PCDHGB5: variants seen among roughly 807,000 people sequenced by gnomAD.
PCDHGB5 encodes the protein protocadherin gamma-B5.
In PCDHGB5, 48 loss-of-function variants were observed where a neutral mutation model predicts 62.9. The observed-to-expected ratio is 0.76, with a 90% CI of 0.61 to 0.97. The LOEUF is 0.97. Among genes scored for constraint, PCDHGB5 ranks in the 50% least tolerant of loss-of-function variants. The pLI, the probability that PCDHGB5 is intolerant of heterozygous loss-of-function variation, is 0.00. For missense variants in PCDHGB5, 1,118 were observed against 1,198.6 expected (o/e 0.93, Z 0.99); for synonymous variants, 474 against 511.2 (o/e 0.93, Z 0.98).
At chr5:141,421,417 G>A (rs1188564125) in intron 1 of PCDHGB5, 2 of 1,613,950 alleles carry the variant, frequency 1.2e-6, no homozygotes, top group Non-Finnish European at 1.7e-6. Context: ...GGCGAAGCGC[G>A]GAGTCCGCAT....
intron 2 of PCDHGB5, among the ~76,000 whole-genome samples, chr5:141,496,639 C>A (rs752903356): frequency 6.6e-6 from 1 of 152,222 alleles, no homozygotes; most frequent in Non-Finnish European, 1.5e-5. Flanking sequence ...TTGGGCTGCC[C>A]TTGCCCTTCC....
intron 1 of PCDHGB5, among the ~76,000 whole-genome samples, chr5:141,470,729 G>T (rs1253040487): frequency 6.6e-6 from 1 of 152,102 alleles, no homozygotes; most frequent in Non-Finnish European, 1.5e-5. Context: ...TCAGGGTCTT[G>T]CTCTGTCGCC....
chr5:141,489,804 G>A lies in PCDHGB5; in HGVS notation c.2398-5003G>A, dbSNP rs2099692572. 1 of 1,614,056 alleles carries A rather than the reference G, an allele frequency of 6.2e-7. No homozygotes were observed. The highest frequency in any genetic ancestry group is 1.3e-5 in the African/African-American group (1 of 74,932). ...TGAATGTGAAGACCCTAAAAGATGG[G>A]AAGCCATTCCCAGAGCTGGTGCTAG... On this transcript the variant is annotated intron_variant, in intron 1 of 3. Transcript: ENST00000617380. The surrounding 1 kb of genome is among the most constrained non-coding windows in gnomAD (Gnocchi z 4.5).
chr5:141,430,910 G>C, intron 1 of PCDHGB5: 2 of 1,608,040 alleles, frequency 1.2e-6, no homozygotes, highest in South Asian at 1.1e-5. Context: ...CATCTCCAGG[G>C]ACCTGGGGCT....
chr5:141,496,511 C>T (rs1161285563), intron 2 of PCDHGB5, among the ~76,000 whole-genome samples: 1 of 152,182 alleles, frequency 6.6e-6, no homozygotes, highest in Non-Finnish European at 1.5e-5. Flanking sequence ...CACAAGGACC[C>T]AGGAGCCCTT....
At position 141,490,776 on chromosome 5, in the gene PCDHGB5, G is replaced by A. The variant is rs1234115299; in HGVS notation, c.2398-4031G>A. 4.3e-6 allele frequency: 7 copies of A among 1,614,162 alleles called. No individual in the cohort carries two copies. Among genetic ancestry groups the A allele is most frequent in the African/African-American group, 1.3e-5 (1 of 75,066 alleles). On this transcript the variant is annotated intron_variant, in intron 1 of 3. Transcript: ENST00000617380. This position sits in a 1 kb window ranked among gnomAD's most constrained non-coding sequence, Gnocchi z 5.4. ...CCTCCTTTGTGTATGTCAACCCAGA[G>A]GATGGACGGATCTTTGCCCAGCGTA...
In PCDHGB5 at chr5:141,427,541, C is replaced by G. The variant is rs541988301; in HGVS notation, c.2397+27017C>G. ...AGCGGATCCCGGAGTACAACGTCACCATCACTGCCACTGACAAGGGCAAGC... is the reference window on the plus strand; with the variant it reads ...AGCGGATCCCGGAGTACAACGTCACGATCACTGCCACTGACAAGGGCAAGC... On this transcript the variant is annotated intron_variant, in intron 1 of 3. Coordinates refer to ENST00000617380, the MANE Select transcript of PCDHGB5 (RefSeq NM_018925.3). 3.1e-5 allele frequency: 20 copies of G among 635,320 alleles called. No individual in the cohort carries two copies. The African/African-American group carries it at 3.6e-4, about 11-fold the overall frequency. The allele number at this position is 635,320 out of a possible 1,614,324, so 39.4% of individuals were successfully genotyped here.
chr5:141,509,839 T>C (rs1277859334), intron 3 of PCDHGB5, among the ~76,000 whole-genome samples: 4 of 152,162 alleles, frequency 2.6e-5, no homozygotes, highest in Non-Finnish European at 5.9e-5. Context: ...CTACCTCCCA[T>C]TCACTCAGAA....
intron 1 of PCDHGB5, chr5:141,420,334 T>C: frequency 7.1e-7 from 1 of 1,402,910 alleles, no homozygotes; most frequent in Non-Finnish European, 9.5e-7. Flanking sequence ...TATATTCCAA[T>C]ATAGTGGTAT....
chr5:141,399,525 C>T lies in PCDHGB5; in HGVS notation c.1398C>T (p.Ser466=), dbSNP rs1170362164. 6.2e-7 allele frequency: 1 copy of T among 1,614,058 alleles called. No individual in the cohort carries two copies. Among genetic ancestry groups the T allele is most frequent in the East Asian group, 2.2e-5 (1 of 44,880 alleles). The change falls in exon 1 of 4, where the codon TCC becomes TCT. Residue 466 remains serine, a synonymous_variant. Transcript: ENST00000617380. ...CCGAAAACAACCCTCCTGGGGCCTCCATCGCGCAAGTCTGCGCCTCGGACC... is the reference window on the plus strand; with the variant it reads ...CCGAAAACAACCCTCCTGGGGCCTCTATCGCGCAAGTCTGCGCCTCGGACC... ...SVPENNPPGA[S]IAQVCASDLD... is the part of the protein sequence containing the mutation.
At position 141,410,315 on chromosome 5, in the gene PCDHGB5, C is replaced by G. The variant is rs781293010; in HGVS notation, c.2397+9791C>G. 3 of 1,614,040 alleles carry G rather than the reference C, an allele frequency of 1.9e-6. No homozygotes were observed. In the East Asian group the frequency reaches 6.7e-5, roughly 36 times the overall value. On this transcript the variant is annotated intron_variant, in intron 1 of 3. Coordinates refer to ENST00000617380, the MANE Select transcript of PCDHGB5 (RefSeq NM_018925.3). ...GGCCTTAATCTCAGTGCTCTTCCTCCTCGCCGTGATTCTGGCCATTGCCTT... is the reference window on the plus strand; with the variant it reads ...GGCCTTAATCTCAGTGCTCTTCCTCGTCGCCGTGATTCTGGCCATTGCCTT...
chr5:141,409,766 C>G, intron 1 of PCDHGB5: 1 of 1,612,910 alleles, frequency 6.2e-7, no homozygotes, highest in Non-Finnish European at 8.5e-7. Context: ...CGCCTTTGAT[C>G]ACGAGCAGCT....
intron 1 of PCDHGB5, among the ~76,000 whole-genome samples, chr5:141,426,006 G>C (rs1013613474): frequency 2.0e-5 from 3 of 152,104 alleles, no homozygotes; most frequent in African/African-American, 7.2e-5. Flanking sequence ...AAGGCTTCCG[G>C]CTGCAGTTTT....
At position 141,403,340 on chromosome 5, in the gene PCDHGB5, G is replaced by GC. The variant is rs1435471755; in HGVS notation, c.2397+2820dup. The GC allele has an allele frequency of 5.6e-6, 9 of 1,613,982 alleles. No homozygotes were observed. In the South Asian group the frequency reaches 9.9e-5, roughly 18 times the overall value. ...AGAAGTAACTGATATTAACGACAGCGCCCCAAAGTTCCAGGCCGAAAGTCT... is the reference window on the plus strand; with the variant it reads ...AGAAGTAACTGATATTAACGACAGCGCCCCCAAAGTTCCAGGCCGAAAGTCT... On this transcript the variant is annotated intron_variant, in intron 1 of 3. Transcript: ENST00000617380.
intron 1 of PCDHGB5, among the ~76,000 whole-genome samples, chr5:141,446,747 G>T (rs997132200): frequency 3.9e-5 from 6 of 152,190 alleles, no homozygotes; most frequent in Non-Finnish European, 8.8e-5. Context: ...GATTACAGGC[G>T]TGAGCCACCG....
intron 1 of PCDHGB5, among the ~76,000 whole-genome samples, chr5:141,454,170 G>A (rs2098782662): frequency 6.6e-6 from 1 of 152,162 alleles, no homozygotes; most frequent in Admixed American, 6.5e-5. Context: ...TCTCTAGAAG[G>A]GCAGCTAAAG....
chr5:141,479,710 T>C (rs901198074), intron 1 of PCDHGB5: 1 of 152,264 alleles, frequency 6.6e-6, no homozygotes, highest in African/African-American at 2.4e-5. Flanking sequence ...GTCCCTGTCC[T>C]TCCAGCCTTA....
intron 1 of PCDHGB5, chr5:141,415,028 C>T (rs756347396): frequency 3.1e-6 from 5 of 1,613,524 alleles, no homozygotes; most frequent in Middle Eastern, 1.7e-4. Context: ...GCCAGCGAGC[C>T]GGGACTCTTC....
rs1387152450 is a variant in PCDHGB5 at position 141,487,754 on chromosome 5, G to A, written c.2398-7053G>A. The A allele has an allele frequency of 1.3e-6, 2 of 1,552,036 alleles. No individual in the cohort carries two copies. Among genetic ancestry groups the A allele is most frequent in the Admixed American group, 3.9e-5 (2 of 50,970 alleles). ...CATTTTTGTAAGAGGTAACTATGTG[G>A]TAGACGCTGTGCTTTGTAACTGTTT... On this transcript the variant is annotated intron_variant, in intron 1 of 3. Transcript: ENST00000617380. This position sits in a 1 kb window ranked among gnomAD's most constrained non-coding sequence, Gnocchi z 5.0.
Sources: gnomAD v4.1 joint callset for allele counts (sites outside exome capture counted in the v4.1 genomes callset) on GRCh38, gnomAD v4.1.1 for gene constraint, Gnocchi (gnomAD v3.1) non-coding constraint, MANE v1.5 for transcripts, NCBI Gene and HGNC (gene_info 2026-07-23, HGNC 2026-07-21) for gene names.